KBTBD2: variants seen among roughly 807,000 people sequenced by gnomAD.
The protein encoded by KBTBD2 is kelch repeat and BTB domain containing 2, also known as kelch repeat and BTB domain-containing protein 2.
A neutral mutation model predicts 57.1 loss-of-function variants in KBTBD2; 17 were observed. The ratio of observed to expected loss-of-function variants is 0.30; its 90% CI spans 0.20 to 0.45. The LOEUF is 0.45. Ranked by LOEUF, KBTBD2 falls within the 20% of genes least tolerant of loss-of-function variation. The probability of loss-of-function intolerance (pLI) is 1.00; values close to 1 mark genes in which losing one functional copy is unlikely to be tolerated. For missense variants in KBTBD2, 515 were observed against 750.6 expected, an observed-to-expected ratio of 0.69 and a Z score of 3.67; for synonymous variants, 267 against 262.7, an observed-to-expected ratio of 1.02 and a Z score of -0.16.
chr7:32,873,869 A>G (rs530727480), intron 3 of KBTBD2, among the ~76,000 whole-genome samples: 129 of 152,354 alleles, frequency 8.5e-4, no homozygotes, highest in Non-Finnish European at 1.6e-3. Flanking sequence ...TACTTAGTTT[A>G]CTGGGTAATC....
chr7:32,875,558 C>A (rs965713723), intron 2 of KBTBD2, among the ~76,000 whole-genome samples: 7 of 152,162 alleles, frequency 4.6e-5, no homozygotes, highest in Non-Finnish European at 1.0e-4. Flanking sequence ...AGGCATGAGC[C>A]ACTGTGCCTA....
intron 1 of KBTBD2, among the ~76,000 whole-genome samples, chr7:32,890,694 G>C (rs1035199768): frequency 1.3e-5 from 2 of 152,158 alleles, no homozygotes; most frequent in Non-Finnish European, 2.9e-5. Flanking sequence ...ACAGAAGATA[G>C]TTCACACACA....
At position 32,884,391 on chromosome 7, in the gene KBTBD2, A is replaced by T. The variant is rs748569472; in HGVS notation, c.-338-4449T>A. 3.7e-3 allele frequency among the ~76,000 whole-genome samples: 168 copies of T among 45,480 alleles called. 1 individual carries two copies. The highest frequency in any genetic ancestry group is 0.035 in the East Asian group (45 of 1,288). The allele number at this position is 45,480 out of a possible 152,430, so 29.8% of individuals were successfully genotyped here. ...ATTCTGCCTCTAAAATTTTTAATTT[A>T]AAAAAAAAAAAAAAAAGGCTGGGCA... On this transcript the variant is annotated intron_variant, in intron 1 of 3. Coordinates refer to ENST00000304056, the MANE Select transcript of KBTBD2 (RefSeq NM_015483.3).
In KBTBD2 at chr7:32,888,895, A is replaced by T. The variant is rs576087927; in HGVS notation, c.-339+2641T>A. Among the ~76,000 whole-genome samples the T allele has an allele frequency of 6.8e-4, 104 of 152,334 alleles. 1 individual carries two copies. The South Asian group carries it at 0.02, about 29-fold the overall frequency. On this transcript the variant is annotated intron_variant, in intron 1 of 3. Transcript: ENST00000304056. The stretch of plus-strand genomic sequence containing the variant: ...TAACAAGTTATCTCAGTTTTAAAAA[A>T]TTAAACAAGAACATAAAGGCAATGC...
Position 32,870,790 on chromosome 7 carries a change from A to G in KBTBD2, c.427T>C (p.Phe143Leu). ...CVRLLSFADLFSCEELKQSAK... is the reference protein window; with the variant it reads ...CVRLLSFADLLSCEELKQSAK... ...CTCTGTTTTAATTCCTCACAACTGA[A>G]GAGATCAGCAAAACTCAACAATCGT... is the stretch of plus-strand genomic sequence containing the variant. The change falls in exon 4 of 4, where the codon TTC becomes CTC. Residue 143 changes from phenylalanine (F) to leucine (L), a missense_variant. Coordinates refer to ENST00000304056, the MANE Select transcript of KBTBD2 (RefSeq NM_015483.3). 6.2e-7 allele frequency: 1 copy of G among 1,613,840 alleles called. No homozygotes were observed. Among genetic ancestry groups the G allele is most frequent in the Non-Finnish European group, 8.5e-7 (1 of 1,179,930 alleles).
chr7:32,876,782 CCT>C (rs989860215), intron 2 of KBTBD2, among the ~76,000 whole-genome samples: 17 of 151,988 alleles, frequency 1.1e-4, no homozygotes, highest in Non-Finnish European at 1.0e-4. Flanking sequence ...ATGGTGAAAC[CCT>C]GTCTCCACTA....
chr7:32,882,770 G>A (rs1490486858), intron 1 of KBTBD2, among the ~76,000 whole-genome samples: 1 of 152,010 alleles, frequency 6.6e-6, no homozygotes, highest in East Asian at 1.9e-4. Context: ...GATCACTTGA[G>A]GTCAGGAGTT....
chr7:32,882,578 C>T (rs1784470980), intron 1 of KBTBD2, among the ~76,000 whole-genome samples: 1 of 152,156 alleles, frequency 6.6e-6, no homozygotes, highest in Non-Finnish European at 1.5e-5. Flanking sequence ...CTTTTGTAAT[C>T]CAGGATACAT....
intron 3 of KBTBD2, among the ~76,000 whole-genome samples, chr7:32,873,138 C>G (rs17468378): frequency 0.2 from 30,443 of 151,924 alleles, 3,786 homozygotes; most frequent in Admixed American, 0.4. Context: ...TATTCCAAAA[C>G]AGGAGATGAA....
intron 3 of KBTBD2, among the ~76,000 whole-genome samples, chr7:32,871,775 C>T (rs1784184866): frequency 6.6e-6 from 1 of 152,016 alleles, no homozygotes; most frequent in Non-Finnish European, 1.5e-5. Context: ...AACATATGAT[C>T]ACTTCATGTG....
At chr7:32,889,419 G>A (rs1289252449) in intron 1 of KBTBD2, among the ~76,000 whole-genome samples, 3 of 152,070 alleles carry the variant, frequency 2.0e-5, no homozygotes, top group East Asian at 1.9e-4. Context: ...TGACCAACAT[G>A]GTGAACCCTC....
intron 3 of KBTBD2, among the ~76,000 whole-genome samples, chr7:32,871,246 CATAGT>C (rs1375801495): frequency 2.6e-5 from 4 of 152,090 alleles, no homozygotes; most frequent in Non-Finnish European, 2.9e-5. Flanking sequence ...GTAAATAAAT[CATAGT>C]ATAGAGAAAA....
At chr7:32,885,046 A>G (rs1562537620) in intron 1 of KBTBD2, among the ~76,000 whole-genome samples, 2 of 142,122 alleles carry the variant, frequency 1.4e-5, no homozygotes, top group Non-Finnish European at 3.1e-5. Flanking sequence ...ACAAATTTTA[A>G]TTTTTTTTTT....
intron 1 of KBTBD2, among the ~76,000 whole-genome samples, chr7:32,885,077 T>C (rs1186268499): frequency 4.7e-5 from 7 of 150,438 alleles, no homozygotes; most frequent in Non-Finnish European, 8.9e-5. Flanking sequence ...GATTGTACTA[T>C]GTTGCCCAGG....
chr7:32,870,425 A>G lies in KBTBD2; in HGVS notation c.792T>C (p.Thr264=), dbSNP rs776779655. The G allele has an allele frequency of 6.2e-7, 1 of 1,613,972 alleles. No individual in the cohort carries two copies. The highest frequency in any genetic ancestry group is 8.5e-7 in the Non-Finnish European group (1 of 1,179,914). ...CAATGAAAATCATCATTTCCTCTTTAGTCATCCCAAGTCTTGGTTTGAAAA... is the reference window on the plus strand; with the variant it reads ...CAATGAAAATCATCATTTCCTCTTTGGTCATCCCAAGTCTTGGTTTGAAAA... ...PKFFKPRLGM[T]KEEMMIFIEA... Residue 264 remains threonine, a synonymous_variant, in exon 4 of 4, where the codon ACT becomes ACC. Coordinates refer to ENST00000304056, the MANE Select transcript of KBTBD2 (RefSeq NM_015483.3).
chr7:32,884,976 GTATATA>G lies in KBTBD2; in HGVS notation c.-338-5040_-338-5035del, dbSNP rs529084573. Among the ~76,000 whole-genome samples, 6 of 130,076 alleles carry G rather than the reference GTATATA, an allele frequency of 4.6e-5. 1 individual carries two copies. The highest frequency in any genetic ancestry group is 9.4e-5 in the African/African-American group (3 of 31,820). The allele number at this position is 130,076 out of a possible 152,430, so 85.3% of individuals were successfully genotyped here. ...TATATATATATGTGTGTATGTGTGT[GTATATA>G]TATATATACACATATATGTGTATAT... On this transcript the variant is annotated intron_variant, in intron 1 of 3. Transcript: ENST00000304056.
intron 1 of KBTBD2, among the ~76,000 whole-genome samples, chr7:32,888,148 C>CT (rs971446855): frequency 2.0e-5 from 3 of 152,086 alleles, no homozygotes; most frequent in Non-Finnish European, 4.4e-5. Context: ...AATATTGGGA[C>CT]TTTTTTGCAA....
intron 2 of KBTBD2, among the ~76,000 whole-genome samples, chr7:32,879,078 T>C (rs73316969): frequency 0.014 from 2,069 of 152,340 alleles, 56 homozygotes; most frequent in African/African-American, 0.047. Flanking sequence ...TTTGAGCCTA[T>C]AACTTGTCAG....
intron 1 of KBTBD2, among the ~76,000 whole-genome samples, chr7:32,881,397 C>T (rs763695883): frequency 1.3e-5 from 2 of 152,128 alleles, no homozygotes; most frequent in African/African-American, 4.8e-5. Flanking sequence ...AAAACTGCCA[C>T]CTCTTTTTTC....
Sources: gnomAD v4.1 joint callset for allele counts (sites outside exome capture counted in the v4.1 genomes callset) on GRCh38, gnomAD v4.1.1 for gene constraint, MANE v1.5 for transcripts, NCBI Gene and HGNC (gene_info 2026-07-23, HGNC 2026-07-21) for gene names.